Variants in TDRD3 observed in about 807,000 individuals in gnomAD.
TDRD3 encodes tudor domain containing 3.
TDRD3 carries 45 observed loss-of-function variants against 86.7 expected under a neutral mutation model. That is an observed-to-expected ratio of 0.52 (90% CI 0.41 to 0.67). The LOEUF (loss-of-function observed/expected upper bound fraction) is 0.67, where lower values mean the gene tolerates loss of function less well. Ranked by LOEUF, TDRD3 falls within the 30% of genes least tolerant of loss-of-function variation. TDRD3 has a pLI of 0.00. For missense variants in TDRD3, 814 were observed against 889.0 expected, an observed-to-expected ratio of 0.92 and a Z score of 1.07; for synonymous variants, 298 against 301.7, an observed-to-expected ratio of 0.99 and a Z score of 0.13.
intron 10 of TDRD3, among the ~76,000 whole-genome samples, chr13:60,519,871 T>C (rs1029789006): frequency 2.6e-5 from 4 of 152,216 alleles, no homozygotes; most frequent in African/African-American, 7.2e-5. Flanking sequence ...TTTTCTTTTT[T>C]GTATTTGTAA....
chr13:60,459,623 CTT>C (rs1209730291), intron 3 of TDRD3, among the ~76,000 whole-genome samples: 1 of 152,122 alleles, frequency 6.6e-6, no homozygotes, highest in African/African-American at 2.4e-5. Flanking sequence ...AGAAAACACT[CTT>C]TTGTTGTTGT....
intron 1 of TDRD3, among the ~76,000 whole-genome samples, chr13:60,413,044 A>ATT (rs879432200): frequency 1.4e-5 from 2 of 141,580 alleles, no homozygotes; most frequent in South Asian, 2.2e-4. Flanking sequence ...TGTACTCCCA[A>ATT]TTTTTTTTTT....
intron 1 of TDRD3, among the ~76,000 whole-genome samples, chr13:60,405,665 A>G (rs1954217434): frequency 6.6e-6 from 1 of 152,162 alleles, no homozygotes; most frequent in South Asian, 2.1e-4. Context: ...GTGTAGTGAG[A>G]TGGAATTAGG....
chr13:60,480,616 T>C (rs1466349169), intron 5 of TDRD3, among the ~76,000 whole-genome samples: 4 of 152,236 alleles, frequency 2.6e-5, no homozygotes, highest in Non-Finnish European at 4.4e-5. Flanking sequence ...CTTCTCTTTC[T>C]GGAATGTCAG....
At chr13:60,422,792 C>G (rs1038057145) in intron 1 of TDRD3, among the ~76,000 whole-genome samples, 1 of 151,890 alleles carries the variant, frequency 6.6e-6, no homozygotes, top group South Asian at 2.1e-4. Context: ...AATATTATTC[C>G]TTTGGAATAA....
intron 12 of TDRD3, among the ~76,000 whole-genome samples, chr13:60,549,304 C>T (rs1382739228): frequency 1.3e-5 from 2 of 152,036 alleles, no homozygotes; most frequent in Non-Finnish European, 2.9e-5. Flanking sequence ...AACAGTTAAC[C>T]TCTCAGCCCA....
At chr13:60,501,440 A>G (rs1193792254) in intron 8 of TDRD3, among the ~76,000 whole-genome samples, 1 of 152,230 alleles carries the variant, frequency 6.6e-6, no homozygotes, top group Admixed American at 6.5e-5. Context: ...CTGAAACACT[A>G]ATATAAATGG....
intron 13 of TDRD3, among the ~76,000 whole-genome samples, chr13:60,571,122 G>A (rs1958577387): frequency 6.6e-6 from 1 of 152,138 alleles, no homozygotes; most frequent in Non-Finnish European, 1.5e-5. Flanking sequence ...ACAGTGCCAT[G>A]AGGTATCATT....
chr13:60,420,037 CATGTA>C (rs983212690), intron 1 of TDRD3, among the ~76,000 whole-genome samples: 41 of 151,704 alleles, frequency 2.7e-4, no homozygotes, highest in South Asian at 6.3e-4. Flanking sequence ...TGTAATACAT[CATGTA>C]ATGATAGATA....
At chr13:60,395,954 G>A (rs894982911), upstream of TDRD3, among the ~76,000 whole-genome samples, 6 of 152,120 alleles carry the variant, frequency 3.9e-5, no homozygotes, top group Non-Finnish European at 7.4e-5. Context: ...TCCATCTAAC[G>A]AAAGCATCGC....
At chr13:60,573,184 C>CT (rs1324203278) in intron 13 of TDRD3, among the ~76,000 whole-genome samples, 3 of 152,094 alleles carry the variant, frequency 2.0e-5, no homozygotes, top group Non-Finnish European at 4.4e-5. Context: ...AGGTGACAGA[C>CT]CAAAATAAAT....
intron 10 of TDRD3, among the ~76,000 whole-genome samples, chr13:60,519,184 C>T (rs907152210): frequency 1.1e-4 from 16 of 151,960 alleles, no homozygotes; most frequent in Admixed American, 1.3e-4. Flanking sequence ...ATTAATTGTC[C>T]GTTCGCTTAT....
rs147941183 is a variant in TDRD3, at chr13:60,422,763, G to A, written c.42-16925G>A. 6.3e-4 allele frequency among the ~76,000 whole-genome samples: 95 copies of A among 150,028 alleles called. 1 individual carries two copies. The East Asian group carries it at 0.015, about 24-fold the overall frequency. On this transcript the variant is annotated intron_variant, in intron 1 of 13. Transcript: ENST00000377881. ...AACTATGAGAATTTAAATAAGAAATGTCAGAGAGAAAGTAGTCGAATATTA... is the reference window on the plus strand; with the variant it reads ...AACTATGAGAATTTAAATAAGAAATATCAGAGAGAAAGTAGTCGAATATTA...
intron 4 of TDRD3, among the ~76,000 whole-genome samples, chr13:60,465,051 AC>A (rs1955888604): frequency 6.6e-6 from 1 of 152,164 alleles, no homozygotes; most frequent in Admixed American, 6.6e-5. Context: ...TATCACACAT[AC>A]CCCCAAAATA....
intron 11 of TDRD3, 127 bp downstream of exon 11, chr13:60,529,344 A>G: frequency 9.5e-7 from 1 of 1,048,460 alleles, no homozygotes; most frequent in Non-Finnish European, 1.3e-6. Flanking sequence ...AAAATCTTTG[A>G]ACAGATTTAT....
At chr13:60,423,355 T>G (rs1449610936) in intron 1 of TDRD3, among the ~76,000 whole-genome samples, 1 of 152,162 alleles carries the variant, frequency 6.6e-6, no homozygotes, top group African/African-American at 2.4e-5. Flanking sequence ...TTATACTGCT[T>G]TCATTACTAG....
intron 4 of TDRD3, among the ~76,000 whole-genome samples, chr13:60,462,029 C>T (rs1955814370): frequency 6.6e-6 from 1 of 152,076 alleles, no homozygotes; most frequent in East Asian, 1.9e-4. Context: ...TGGTGTCTGC[C>T]TCTGGTAAAT....
chr13:60,396,057 G>A (rs1392056498), upstream of TDRD3, among the ~76,000 whole-genome samples: 1 of 152,084 alleles, frequency 6.6e-6, no homozygotes. Flanking sequence ...TCCACCCAGG[G>A]CAATTATCCC....
chr13:60,505,794 C>G (rs1276515195), intron 8 of TDRD3, among the ~76,000 whole-genome samples: 1 of 151,932 alleles, frequency 6.6e-6, no homozygotes, highest in Non-Finnish European at 1.5e-5. Context: ...GATTGAAGAT[C>G]AACTTAATGA....
Sources: allele counts gnomAD v4.1 joint callset (sites outside exome capture counted in the v4.1 genomes callset), GRCh38; gene constraint gnomAD v4.1.1; transcripts MANE v1.5; gene names NCBI Gene and HGNC (gene_info 2026-07-23, HGNC 2026-07-21).